The following MUCL1 variants were observed in gnomAD, a reference collection of about 807,000 sequenced individuals.
MUCL1 encodes the protein mucin like 1.
In MUCL1, 11 loss-of-function variants were observed where a neutral mutation model predicts 9.2. That is an observed-to-expected ratio of 1.19 (90% CI 0.75 to 1.97). The LOEUF (loss-of-function observed/expected upper bound fraction) is 1.97, where lower values mean the gene tolerates loss of function less well. MUCL1 is among the 30% of genes most tolerant of loss of function. The probability of loss-of-function intolerance (pLI) is 0.00; values close to 1 mark genes in which losing one functional copy is unlikely to be tolerated. For synonymous variants in MUCL1, 48 were observed against 40.5 expected (o/e 1.19, Z -0.71); for missense variants, 144 against 110.9 (o/e 1.30, Z -1.34).
chr12:54,834,664 A>G (rs78189645), upstream of MUCL1, among the ~76,000 whole-genome samples: 1,793 of 152,138 alleles, frequency 0.012, 37 homozygotes, highest in African/African-American at 0.041. Flanking sequence ...ATACAGTATC[A>G]TTAATCATAA....
At chr12:54,848,264 C>CT (rs1357808838) in intron 1 of MUCL1, among the ~76,000 whole-genome samples, 1 of 152,058 alleles carries the variant, frequency 6.6e-6, no homozygotes, top group Admixed American at 6.6e-5. Flanking sequence ...GCTGCTTTCT[C>CT]TAAAAGCCTG....
At chr12:54,853,002 T>A (rs548952313), upstream of MUCL1, among the ~76,000 whole-genome samples, 1 of 152,306 alleles carries the variant, frequency 6.6e-6, no homozygotes, top group African/African-American at 2.4e-5. Context: ...TTTCCGAGGT[T>A]GAAGACCACT....
At chr12:54,852,785 C>T (rs936324034), upstream of MUCL1, among the ~76,000 whole-genome samples, 4 of 152,300 alleles carry the variant, frequency 2.6e-5, no homozygotes, top group Non-Finnish European at 5.9e-5. Flanking sequence ...GACTGTAGGG[C>T]TTATTCCCTA....
upstream of MUCL1, among the ~76,000 whole-genome samples, chr12:54,851,050 C>T (rs1330512608): frequency 1.3e-5 from 2 of 152,094 alleles, no homozygotes; most frequent in African/African-American, 4.8e-5. Context: ...ATTGTAGATT[C>T]TGGATATTAG....
chr12:54,852,536 T>C (rs1868260126), upstream of MUCL1, among the ~76,000 whole-genome samples: 1 of 152,200 alleles, frequency 6.6e-6, no homozygotes, highest in Non-Finnish European at 1.5e-5. Flanking sequence ...TATATCAAAC[T>C]TTAGAAATTC....
At chr12:54,834,691 C>G (rs1345445452), upstream of MUCL1, among the ~76,000 whole-genome samples, 2 of 151,966 alleles carry the variant, frequency 1.3e-5, no homozygotes, top group Non-Finnish European at 2.9e-5. Flanking sequence ...AACTGTGTAT[C>G]TCTAGAATTT....
chr12:54,851,770 A>G (rs1469293993), upstream of MUCL1, among the ~76,000 whole-genome samples: 2 of 152,184 alleles, frequency 1.3e-5, no homozygotes, highest in Non-Finnish European at 2.9e-5. Flanking sequence ...CCATCGTCTC[A>G]GCCCCAAATC....
At chr12:54,851,636 G>A (rs147510036), upstream of MUCL1, among the ~76,000 whole-genome samples, 73 of 151,722 alleles carry the variant, frequency 4.8e-4, no homozygotes, top group South Asian at 1.3e-3. Flanking sequence ...CCTATTCAAC[G>A]TAGTGTTGGA....
At chr12:54,858,075 C>T (rs1249853659) in intron 3 of MUCL1, 118 bp from the exon 4 acceptor site, 21 of 1,231,346 alleles carry the variant, frequency 1.7e-5, no homozygotes, top group East Asian at 2.3e-5. Flanking sequence ...ATGTTCCTTT[C>T]GAATCCCCTG....
chr12:54,835,557 CT>C (rs1484555902), upstream of MUCL1, among the ~76,000 whole-genome samples: 1 of 147,422 alleles, frequency 6.8e-6, no homozygotes, highest in Non-Finnish European at 1.5e-5. Context: ...TGTATATCTT[CT>C]TTTGAGAAGT....
At chr12:54,851,699 G>A (rs982660011), upstream of MUCL1, among the ~76,000 whole-genome samples, 1 of 152,118 alleles carries the variant, frequency 6.6e-6, no homozygotes, top group Non-Finnish European at 1.5e-5. Context: ...TATTCAATTA[G>A]GAAAAGAGGA....
At chr12:54,850,606 G>GT (rs1959323713), upstream of MUCL1, among the ~76,000 whole-genome samples, 1 of 151,978 alleles carries the variant, frequency 6.6e-6, no homozygotes, top group South Asian at 2.1e-4. Flanking sequence ...TGTGAATAGT[G>GT]CTGCAATAAA....
intron 1 of MUCL1, among the ~76,000 whole-genome samples, chr12:54,848,893 C>A (rs541988238): frequency 6.6e-5 from 10 of 152,070 alleles, no homozygotes; most frequent in Admixed American, 1.3e-4. Context: ...TATTGTGAGT[C>A]AAAAACCTCT....
At chr12:54,849,331 T>C (rs1435239488) in intron 1 of MUCL1, among the ~76,000 whole-genome samples, 1 of 152,136 alleles carries the variant, frequency 6.6e-6, no homozygotes, top group African/African-American at 2.4e-5. Flanking sequence ...TAACTACATA[T>C]AAGTTCATAT....
intron 1 of MUCL1, among the ~76,000 whole-genome samples, chr12:54,839,885 G>A (rs921144262): frequency 6.6e-5 from 10 of 152,142 alleles, no homozygotes; most frequent in Admixed American, 1.3e-4. Flanking sequence ...CTGTTGTGGC[G>A]GAGCTGCAGA....
chr12:54,840,193 T>A (rs1488472782), intron 1 of MUCL1, among the ~76,000 whole-genome samples: 2 of 152,112 alleles, frequency 1.3e-5, no homozygotes, highest in Non-Finnish European at 2.9e-5. Flanking sequence ...CAGAAGCAGG[T>A]ACCAGGACCA....
intron 1 of MUCL1, among the ~76,000 whole-genome samples, chr12:54,843,253 ATGATGTTT>A (rs577800706): frequency 1.6e-4 from 24 of 152,320 alleles, no homozygotes; most frequent in Admixed American, 1.5e-3. Flanking sequence ...AGTCTTTGGT[ATGATGTTT>A]GCTGTTAATT....
At chr12:54,852,117 AGCT>A (rs900120809), upstream of MUCL1, among the ~76,000 whole-genome samples, 18 of 152,344 alleles carry the variant, frequency 1.2e-4, no homozygotes, top group Middle Eastern at 6.8e-3. Flanking sequence ...ATCCCCATCA[AGCT>A]ACCAATGACT....
chr12:54,844,996 C>T lies in MUCL1; in HGVS notation c.43+5549C>T, dbSNP rs536576175. On this transcript the variant is annotated intron_variant, in intron 1 of 3. Transcript: ENST00000546809. ...TATCTCTTCTTGACTATGTATGAGG[C>T]ACACTTGGGGACTAATTAAATGGCT... 9.2e-4 allele frequency among the ~76,000 whole-genome samples: 110 copies of T among 119,938 alleles called. 1 individual carries two copies. In the South Asian group the frequency reaches 0.016, roughly 18 times the overall value. The allele number at this position is 119,938 out of a possible 152,430, so 78.7% of individuals were successfully genotyped here.
Sources: allele counts gnomAD v4.1 joint callset (sites outside exome capture counted in the v4.1 genomes callset), GRCh38; gene constraint gnomAD v4.1.1; transcripts MANE v1.5; gene names NCBI Gene and HGNC (gene_info 2026-07-23, HGNC 2026-07-21).